TOM1L1: variants seen among roughly 807,000 people sequenced by gnomAD.
The protein encoded by TOM1L1 is TOM1-like protein 1.
A neutral mutation model predicts 63.4 loss-of-function variants in TOM1L1; 64 were observed. The ratio of observed to expected loss-of-function variants is 1.01; its 90% confidence interval spans 0.83 to 1.24. The LOEUF (loss-of-function observed/expected upper bound fraction) is 1.24, where lower values mean the gene tolerates loss of function less well. TOM1L1 is among the 50% of genes most tolerant of loss of function. TOM1L1 has a pLI of 0.00. For missense variants in TOM1L1, 536 were observed against 567.0 expected (o/e 0.95, Z 0.55); for synonymous variants, 166 against 194.4 (o/e 0.85, Z 1.22).
At chr17:54,902,740 C>G (rs1379631446) in intron 1 of TOM1L1, among the ~76,000 whole-genome samples, 1 of 152,184 alleles carries the variant, frequency 6.6e-6, no homozygotes, top group African/African-American at 2.4e-5. Context: ...TTGTCCTTCT[C>G]TTAGGAAGAT....
At chr17:54,923,255 G>A (rs1255854235) in intron 7 of TOM1L1, among the ~76,000 whole-genome samples, 2 of 152,072 alleles carry the variant, frequency 1.3e-5, no homozygotes, top group Admixed American at 6.5e-5. Context: ...CAACCTAAGA[G>A]TAGAATTGCT....
At chr17:54,937,309 C>T in intron 10 of TOM1L1, 83 bp downstream of exon 10, 1 of 1,095,256 alleles carries the variant, frequency 9.1e-7, no homozygotes, top group Non-Finnish European at 1.4e-6. Context: ...TTAAATACCA[C>T]CTAAGAAGGA....
intron 14 of TOM1L1, chr17:54,958,293 C>CTAAA (rs2077002911): frequency 1.3e-5 from 2 of 152,166 alleles, no homozygotes; most frequent in Admixed American, 1.3e-4. Flanking sequence ...GATTGGAGAT[C>CTAAA]ATTGATGATT....
At position 54,948,880 on chromosome 17, in the gene TOM1L1, T is replaced by C. The variant is rs1291621401; in HGVS notation, c.1183-638T>C. ...CTGTAGATTTAAATTTTTTTTTTCCTACTCAAGGCTGAGATTTTATATTCA... is the reference window on the plus strand; with the variant it reads ...CTGTAGATTTAAATTTTTTTTTTCCCACTCAAGGCTGAGATTTTATATTCA... On this transcript the variant is annotated intron_variant, in intron 12 of 15. Transcript: ENST00000575882. Among the ~76,000 whole-genome samples, 3 of 152,358 alleles carry C rather than the reference T, an allele frequency of 2.0e-5. No homozygotes were observed. The East Asian group carries it at 5.8e-4, about 29-fold the overall frequency.
chr17:54,907,221 A>C (rs1375201449), intron 3 of TOM1L1, among the ~76,000 whole-genome samples: 1 of 144,312 alleles, frequency 6.9e-6, no homozygotes, highest in Non-Finnish European at 1.5e-5. Flanking sequence ...AGAAGACGGG[A>C]GAGAGGAGTG....
chr17:54,924,320 C>G (rs943289771), intron 7 of TOM1L1, among the ~76,000 whole-genome samples: 1 of 148,006 alleles, frequency 6.8e-6, no homozygotes, highest in African/African-American at 2.5e-5. Flanking sequence ...GACTCTGTCA[C>G]TCAGGCTGGA....
At chr17:54,943,099 T>C (rs1454391891) in intron 11 of TOM1L1, among the ~76,000 whole-genome samples, 5 of 152,338 alleles carry the variant, frequency 3.3e-5, no homozygotes, top group African/African-American at 1.2e-4. Context: ...TTGATTTTGA[T>C]AGTAATATAG....
intron 14 of TOM1L1, among the ~76,000 whole-genome samples, chr17:54,958,788 CAAG>C (rs1397265880): frequency 9.0e-5 from 13 of 143,800 alleles, no homozygotes; most frequent in Non-Finnish European, 2.0e-4. Context: ...GCATTTACTA[CAAG>C]AAGAGATGGA....
chr17:54,913,900 A>G, intron 5 of TOM1L1, 27 bp downstream of exon 5: 1 of 1,590,030 alleles, frequency 6.3e-7, no homozygotes. Context: ...TGACCCATGG[A>G]GACTATAGTA....
chr17:54,901,470 G>A (rs752076406), intron 1 of TOM1L1, among the ~76,000 whole-genome samples: 3 of 152,094 alleles, frequency 2.0e-5, no homozygotes, highest in South Asian at 4.2e-4. Flanking sequence ...GAAGAGGAGG[G>A]GAACATAGGA....
chr17:54,924,690 T>C (rs2048739937), intron 7 of TOM1L1, among the ~76,000 whole-genome samples: 2 of 152,202 alleles, frequency 1.3e-5, no homozygotes, highest in Admixed American at 6.5e-5. Flanking sequence ...AAAAGGCTTG[T>C]CTTGTTCATT....
chr17:54,929,932 G>A, intron 7 of TOM1L1, 141 bp from the exon 8 acceptor site: 1 of 961,882 alleles, frequency 1.0e-6, no homozygotes. Flanking sequence ...AGGATAAGCT[G>A]TTTATAGTTA....
intron 3 of TOM1L1, among the ~76,000 whole-genome samples, chr17:54,905,987 T>G (rs1396927474): frequency 1.3e-5 from 2 of 151,930 alleles, no homozygotes; most frequent in East Asian, 3.9e-4. Flanking sequence ...CTGGGCAAGA[T>G]GGTGAGAGCC....
chr17:54,905,493 A>G lies in TOM1L1; in HGVS notation c.148A>G (p.Lys50Glu), dbSNP rs1279139551. ...DIINTTQDGP[K>E]DAVKALKKRI... is the part of the protein sequence containing the mutation. Reference sequence around the variant, plus strand: ...TCAGTGTATTTATTGCTATAGGCCAAAAGATGCAGTGAAAGCTTTGAAGAA... The same window carrying G: ...TCAGTGTATTTATTGCTATAGGCCAGAAGATGCAGTGAAAGCTTTGAAGAA... Residue 50 changes from lysine to glutamate, a missense_variant, in exon 3 of 16, where the codon AAA (lysine) becomes GAA (glutamate). Transcript: ENST00000575882. 1.2e-6 allele frequency: 2 copies of G among 1,610,610 alleles called. No homozygotes were observed. The highest frequency in any genetic ancestry group is 1.3e-5 in the African/African-American group (1 of 74,902).
Position 54,931,956 on chromosome 17 carries a change from T to G in TOM1L1, c.854+1750T>G, listed in dbSNP as rs530725581. On this transcript the variant is annotated intron_variant, in intron 8 of 15. Transcript: ENST00000575882. ...TCTTTTTCTTTTTTCTTCGTTTTTT[T>G]TTTGTTTGTTTGTTTGTTTGTTTTT... Among the ~76,000 whole-genome samples the G allele has an allele frequency of 5.2e-4, 68 of 130,318 alleles. 1 individual carries two copies. The highest frequency in any genetic ancestry group is 1.6e-3 in the African/African-American group (54 of 32,924). The allele number at this position is 130,318 out of a possible 152,430, so 85.5% of individuals were successfully genotyped here. A position where few individuals can be genotyped will look rare whatever the true frequency, so the allele number is the denominator to read the frequency against.
chr17:54,945,110 C>T (rs1428179252), intron 11 of TOM1L1, among the ~76,000 whole-genome samples: 4 of 152,104 alleles, frequency 2.6e-5, no homozygotes, highest in African/African-American at 9.7e-5. Flanking sequence ...CCTTGGATTT[C>T]TTAGCTTTTG....
intron 14 of TOM1L1, among the ~76,000 whole-genome samples, chr17:54,958,955 G>C (rs995183661): frequency 1.3e-5 from 2 of 152,148 alleles, no homozygotes; most frequent in Non-Finnish European, 2.9e-5. Context: ...GCCAGGAATA[G>C]ACAGGATCAC....
intron 11 of TOM1L1, among the ~76,000 whole-genome samples, chr17:54,939,889 T>C (rs2049009352): frequency 6.6e-6 from 1 of 152,202 alleles, no homozygotes; most frequent in Non-Finnish European, 1.5e-5. Context: ...CTGAGATTTC[T>C]TGGTCATTTC....
intron 3 of TOM1L1, chr17:54,906,881 G>A: frequency 2.2e-6 from 2 of 894,352 alleles, no homozygotes; most frequent in African/African-American, 1.8e-5. Context: ...GCACGCCTTT[G>A]TTTATCTCAG....
Sources: allele counts gnomAD v4.1 joint callset (sites outside exome capture counted in the v4.1 genomes callset), GRCh38; gene constraint gnomAD v4.1.1; transcripts MANE v1.5; gene names NCBI Gene and HGNC (gene_info 2026-07-23, HGNC 2026-07-21).